Variants in SH3BGRL2 observed in about 807,000 individuals in gnomAD.
SH3BGRL2 encodes SH3 domain binding glutamate rich protein like 2.
Under a neutral mutation model 14.8 loss-of-function variants are expected in SH3BGRL2, and 21 were observed. The observed-to-expected ratio is 1.42, with a 90% confidence interval of 1.01 to 2.05. SH3BGRL2 has a LOEUF of 2.05. Ranked by LOEUF, SH3BGRL2 falls within the 30% of genes most tolerant of loss-of-function variation. SH3BGRL2 has a pLI of 0.00. For missense variants in SH3BGRL2, 147 were observed against 130.8 expected (o/e 1.12, Z -0.61); for synonymous variants, 50 against 47.8 (o/e 1.05, Z -0.19).
At chr6:79,675,656 G>T (rs372423143) in intron 2 of SH3BGRL2, among the ~76,000 whole-genome samples, 1 of 150,898 alleles carries the variant, frequency 6.6e-6, no homozygotes, top group Non-Finnish European at 1.5e-5. Flanking sequence ...CCACCTATTC[G>T]ATTTTTGTTC....
chr6:79,684,636 A>G (rs1770057047), intron 2 of SH3BGRL2, among the ~76,000 whole-genome samples: 2 of 152,180 alleles, frequency 1.3e-5, no homozygotes, highest in South Asian at 4.1e-4. Flanking sequence ...GAAGTCCGTT[A>G]AGCCAGACTG....
intron 1 of SH3BGRL2, among the ~76,000 whole-genome samples, chr6:79,633,195 A>T (rs753224915): frequency 5.9e-5 from 9 of 152,206 alleles, no homozygotes; most frequent in Non-Finnish European, 1.0e-4. Context: ...TAAAATTAAG[A>T]GACTTAAGTT....
intron 1 of SH3BGRL2, among the ~76,000 whole-genome samples, chr6:79,662,591 A>G (rs1168957942): frequency 6.6e-6 from 1 of 151,328 alleles, no homozygotes; most frequent in Non-Finnish European, 1.5e-5. Flanking sequence ...TTTTTCCTTC[A>G]TTTCAACCTT....
chr6:79,664,112 CT>C (rs1769609404), intron 1 of SH3BGRL2, among the ~76,000 whole-genome samples: 1 of 152,232 alleles, frequency 6.6e-6, no homozygotes, highest in Non-Finnish European at 1.5e-5. Flanking sequence ...CCCCCAACCC[CT>C]GTCCTTCCCA....
At chr6:79,590,153 A>C in the SH3BGRL2 span, among the ~76,000 whole-genome samples, 1 of 152,072 alleles carries the variant, frequency 6.6e-6, no homozygotes, top group Admixed American at 6.6e-5. Flanking sequence ...AAAAAATAAC[A>C]AATGCTGGCG....
chr6:79,699,104 C>T (rs1455884930), intron 3 of SH3BGRL2, among the ~76,000 whole-genome samples: 2 of 151,990 alleles, frequency 1.3e-5, no homozygotes, highest in African/African-American at 2.4e-5. Context: ...ACTGGGGCAG[C>T]GACTCTTTAC....
At chr6:79,554,480 T>G in the SH3BGRL2 span, among the ~76,000 whole-genome samples, 265 of 152,310 alleles carry the variant, frequency 1.7e-3, no homozygotes, top group African/African-American at 5.9e-3. Flanking sequence ...TGAAATTCAA[T>G]AGAGGATTTA....
the SH3BGRL2 span, among the ~76,000 whole-genome samples, chr6:79,540,399 C>A: frequency 8.5e-5 from 13 of 152,128 alleles, no homozygotes; most frequent in African/African-American, 2.9e-4. Context: ...CGCGCCACTG[C>A]ACTCCAGCCT....
At chr6:79,668,678 T>C (rs184806841) in intron 1 of SH3BGRL2, among the ~76,000 whole-genome samples, 18 of 152,216 alleles carry the variant, frequency 1.2e-4, no homozygotes, top group African/African-American at 4.1e-4. Flanking sequence ...TGAATCTCAA[T>C]TGCCATATTT....
intron 1 of SH3BGRL2, among the ~76,000 whole-genome samples, chr6:79,643,346 G>A (rs929698711): frequency 2.6e-5 from 4 of 152,040 alleles, no homozygotes; most frequent in African/African-American, 7.2e-5. Context: ...TTGTGCTATC[G>A]CAACAAGCAT....
At chr6:79,566,635 A>AT in the SH3BGRL2 span, among the ~76,000 whole-genome samples, 1 of 152,132 alleles carries the variant, frequency 6.6e-6, no homozygotes, top group Non-Finnish European at 1.5e-5. Context: ...CCATTTATAT[A>AT]TTTTCCATAA....
chr6:79,625,339 GTTAA>G, the SH3BGRL2 span, among the ~76,000 whole-genome samples: 1 of 151,876 alleles, frequency 6.6e-6, no homozygotes, highest in Non-Finnish European at 1.5e-5. Context: ...TATGGTTTCT[GTTAA>G]TTAAGATTTT....
rs999837297 is a variant in SH3BGRL2, at chr6:79,701,489, CTTATA to C, written c.*1986_*1990del. The C allele has an allele frequency of 3.3e-5, 5 of 151,862 alleles. No individual in the cohort carries two copies. The highest frequency in any genetic ancestry group is 1.3e-4 in the Admixed American group (2 of 15,260). The allele number at this position is 151,862 out of a possible 1,614,324, so 9.4% of individuals were successfully genotyped here. A position where few individuals can be genotyped will look rare whatever the true frequency, so the allele number is the denominator to read the frequency against. On this transcript the variant is annotated 3_prime_UTR_variant, in exon 4 of 4. Transcript: ENST00000369838. The stretch of plus-strand genomic sequence containing the variant: ...GCTAGACAAAGCTACCCAGATTTGT[CTTATA>C]TTATAATTTTTGAGTTAACCGTAGT...
chr6:79,587,211 T>G, the SH3BGRL2 span, among the ~76,000 whole-genome samples: 1 of 152,192 alleles, frequency 6.6e-6, no homozygotes, highest in African/African-American at 2.4e-5. Flanking sequence ...TCCTCTATAT[T>G]TTTCCAAAAC....
intron 1 of SH3BGRL2, among the ~76,000 whole-genome samples, chr6:79,648,268 ATATATATATAT>A (rs1415827649): frequency 1.6e-5 from 2 of 125,952 alleles, no homozygotes; most frequent in East Asian, 2.2e-4. Context: ...ATATATATAT[ATATATATATAT>A]ATATTTGACA....
the SH3BGRL2 span, among the ~76,000 whole-genome samples, chr6:79,593,489 C>G: frequency 6.6e-6 from 1 of 152,166 alleles, no homozygotes; most frequent in South Asian, 2.1e-4. Context: ...AAAGCCTAGT[C>G]TATTTGGGTG....
rs1770470851 is a variant in SH3BGRL2 at position 79,702,142 on chromosome 6, A to G, written c.*2633A>G. On this transcript the variant is annotated 3_prime_UTR_variant, in exon 4 of 4. Coordinates refer to ENST00000369838, the MANE Select transcript of SH3BGRL2 (RefSeq NM_031469.4). The stretch of plus-strand genomic sequence containing the variant: ...TTTTATTACAATCAAAGAAGAGGAA[A>G]GCAAGGTATTTTTTCACCTCAGATT... 1 of 152,604 alleles carries G rather than the reference A, an allele frequency of 6.6e-6. No individual in the cohort carries two copies. Among genetic ancestry groups the G allele is most frequent in the Admixed American group, 6.5e-5 (1 of 15,284 alleles). 9.5% of individuals were successfully genotyped at this position (152,604 alleles called of 1,614,324 possible). A position where few individuals can be genotyped will look rare whatever the true frequency, so the allele number is the denominator to read the frequency against.
the SH3BGRL2 span, among the ~76,000 whole-genome samples, chr6:79,585,806 T>TA: frequency 8.7e-4 from 133 of 152,098 alleles, no homozygotes; most frequent in Admixed American, 2.2e-3. Flanking sequence ...GATATAGCTG[T>TA]AAAGCAAGCT....
intron 2 of SH3BGRL2, among the ~76,000 whole-genome samples, chr6:79,677,758 A>G (rs1362360926): frequency 6.6e-6 from 1 of 152,176 alleles, no homozygotes; most frequent in African/African-American, 2.4e-5. Flanking sequence ...AGTTATTTGC[A>G]TCAAGAACCC....
Sources: allele counts gnomAD v4.1 joint callset (sites outside exome capture counted in the v4.1 genomes callset), GRCh38; gene constraint gnomAD v4.1.1; transcripts MANE v1.5; gene names NCBI Gene and HGNC (gene_info 2026-07-23, HGNC 2026-07-21).